The following U2AF1 variants were observed in gnomAD, a reference collection of about 807,000 sequenced individuals.
The protein encoded by U2AF1 is U2 small nuclear RNA auxiliary factor 1.
For synonymous variants in U2AF1, 8 were observed against 27.2 expected, an observed-to-expected ratio of 0.29 and a Z score of 2.20; for missense variants, 4 against 75.9, an observed-to-expected ratio of 0.05 and a Z score of 3.52.
At position 43,095,256 on chromosome 21, in the gene U2AF1, C is replaced by T. The variant is rs1427012732; in HGVS notation, c.348+182G>A. On this transcript the variant is annotated intron_variant, in intron 5 of 7. Coordinates refer to ENST00000291552, the MANE Select transcript of U2AF1 (RefSeq NM_006758.3). ...GCAGCTGGTAGGCGCCGAGCCAGTG[C>T]ACCTGAGCCCTGCTGTGCGCCTGAG... 2 of 443,450 alleles carry T rather than the reference C, an allele frequency of 4.5e-6. 1 individual carries two copies. The highest frequency in any genetic ancestry group is 7.4e-5 in the African/African-American group (2 of 27,038). The allele number at this position is 443,450 out of a possible 1,614,324, so 27.5% of individuals were successfully genotyped here. A position where few individuals can be genotyped will look rare whatever the true frequency, so the allele number is the denominator to read the frequency against.
At chr21:43,095,314 A>C (rs1984256160) in intron 5 of U2AF1, 124 bp downstream of exon 5, 1 of 467,180 alleles carries the variant, frequency 2.1e-6, no homozygotes, top group East Asian at 2.8e-5. Flanking sequence ...GGCGACAGGC[A>C]CCCCATCCTC....
chr21:43,107,230 CCATT>C lies in U2AF1; in HGVS notation c.44+217_44+220del, dbSNP rs367824269. 1.3e-3 allele frequency among the ~76,000 whole-genome samples: 142 copies of C among 112,068 alleles called. 8 individuals carry two copies. In the East Asian group the frequency reaches 0.022, roughly 17 times the overall value. The allele number at this position is 112,068 out of a possible 152,430, so 73.5% of individuals were successfully genotyped here. On this transcript the variant is annotated intron_variant, in intron 1 of 7. Transcript: ENST00000291552. ...GGCCGCGGCGCCCCGAAAAGAGACCCCATTCATTCTGCCCGCTCCAGTTTTCCGC... is the reference window on the plus strand; with the variant it reads ...GGCCGCGGCGCCCCGAAAAGAGACCCCATTCTGCCCGCTCCAGTTTTCCGC...
At chr21:43,099,960 T>C (rs1292264208) in intron 3 of U2AF1, 1 of 54,960 alleles carries the variant, frequency 1.8e-5, no homozygotes, top group African/African-American at 1.3e-4. Context: ...AGTCTCACTC[T>C]GTCGCCCAGG....
rs570676553 is a variant in U2AF1, at chr21:43,095,653, A to T, written c.249+41T>A. 4.2e-6 allele frequency: 2 copies of T among 477,364 alleles called. 1 individual carries two copies. Among genetic ancestry groups the T allele is most frequent in the Admixed American group, 9.0e-5 (2 of 22,262 alleles). 29.6% of individuals were successfully genotyped at this position (477,364 alleles called of 1,614,324 possible). A position where few individuals can be genotyped will look rare whatever the true frequency, so the allele number is the denominator to read the frequency against. The stretch of plus-strand genomic sequence containing the variant: ...TTAAATCCTTCCAAACAGATACAGA[A>T]GATCAACAGGTCTATCAGTCACAGA... On this transcript the variant is annotated intron_variant, in intron 4 of 7. Coordinates refer to ENST00000291552, the MANE Select transcript of U2AF1 (RefSeq NM_006758.3).
chr21:43,107,370 G>A (rs1984857221), intron 1 of U2AF1, 81 bp downstream of exon 1: 1 of 265,036 alleles, frequency 3.8e-6, no homozygotes, highest in South Asian at 6.7e-5. Flanking sequence ...GCCCGCCTGG[G>A]CCTCCCCGGT....
intron 3 of U2AF1, among the ~76,000 whole-genome samples, chr21:43,097,035 CATGT>C (rs1290589651): frequency 1.3e-5 from 1 of 77,632 alleles, no homozygotes; most frequent in Admixed American, 1.5e-4. Flanking sequence ...TCATAATTCA[CATGT>C]ATTAGGTAAA....
intron 1 of U2AF1, 56 bp downstream of exon 1, chr21:43,107,395 C>T: frequency 3.1e-6 from 1 of 326,816 alleles, no homozygotes; most frequent in East Asian, 3.9e-5. Context: ...CTCCCACCGC[C>T]TCAACCACCC....
chr21:43,095,369 C>T lies in U2AF1; in HGVS notation c.348+69G>A, dbSNP rs1385036079. ...ACACTAAGCGGCTGCACCACTGTCT[C>T]GCTTTCGCCTGTTGGCCTTGGCCCT... is the stretch of plus-strand genomic sequence containing the variant. On this transcript the variant is annotated intron_variant, in intron 5 of 7. Coordinates refer to ENST00000291552, the MANE Select transcript of U2AF1 (RefSeq NM_006758.3). 50 of 703,362 alleles carry T rather than the reference C, an allele frequency of 7.1e-5. 9 individuals are homozygous for T. The highest frequency in any genetic ancestry group is 6.4e-4 in the South Asian group (38 of 59,336). 43.6% of individuals were successfully genotyped at this position (703,362 alleles called of 1,614,324 possible).
At position 43,107,224 on chromosome 21, in the gene U2AF1, G is replaced by A. The variant is rs962693336; in HGVS notation, c.44+227C>T. Reference sequence around the variant, plus strand: ...AAGCTCGGCCGCGGCGCCCCGAAAAGAGACCCCATTCATTCTGCCCGCTCC... The same window carrying A: ...AAGCTCGGCCGCGGCGCCCCGAAAAAAGACCCCATTCATTCTGCCCGCTCC... On this transcript the variant is annotated intron_variant, in intron 1 of 7. Coordinates refer to ENST00000291552, the MANE Select transcript of U2AF1 (RefSeq NM_006758.3). 1.2e-4 allele frequency among the ~76,000 whole-genome samples: 14 copies of A among 112,280 alleles called. 5 individuals are homozygous for A. The highest frequency in any genetic ancestry group is 4.5e-4 in the African/African-American group (12 of 26,774). The allele number at this position is 112,280 out of a possible 152,430, so 73.7% of individuals were successfully genotyped here.
intron 1 of U2AF1, among the ~76,000 whole-genome samples, chr21:43,107,053 C>A (rs1424393062): frequency 1.1e-5 from 1 of 87,886 alleles, no homozygotes; most frequent in South Asian, 3.2e-4. Context: ...ACATTCACAG[C>A]CGAAAGTTGG....
chr21:43,096,974 G>GC (rs1984346144), intron 3 of U2AF1, among the ~76,000 whole-genome samples: 1 of 107,546 alleles, frequency 9.3e-6, no homozygotes, highest in Non-Finnish European at 2.0e-5. Flanking sequence ...CGTGCCCGGC[G>GC]CAAGTATTCT....
At chr21:43,097,132 TC>T (rs1174473520) in intron 3 of U2AF1, among the ~76,000 whole-genome samples, 1 of 12,330 alleles carries the variant, frequency 8.1e-5, no homozygotes. Context: ...AATTTTTTTT[TC>T]TTTTGAGATG....
At chr21:43,095,037 TAA>T in intron 5 of U2AF1, 1 of 109,094 alleles carries the variant, frequency 9.2e-6, no homozygotes, top group South Asian at 2.2e-4. Flanking sequence ...TGTAGGCAAA[TAA>T]AGTTTTATTC....
intron 1 of U2AF1, chr21:43,105,140 TTC>T (rs1321985156): frequency 9.5e-6 from 1 of 105,760 alleles, no homozygotes; most frequent in Non-Finnish European, 2.0e-5. Flanking sequence ...TTACGTCACC[TTC>T]TGTCTCTACT....
intron 3 of U2AF1, chr21:43,097,603 G>T (rs1984382200): frequency 1.2e-5 from 1 of 80,972 alleles, no homozygotes; most frequent in Non-Finnish European, 2.5e-5. Context: ...CTTTGAGCTT[G>T]CTCAAAACTC....
rs1034315115 is a variant in U2AF1, at chr21:43,107,071, G to C, written c.44+380C>G. Among the ~76,000 whole-genome samples, 12 of 97,324 alleles carry C rather than the reference G, an allele frequency of 1.2e-4. 4 individuals carry two copies. The highest frequency in any genetic ancestry group is 5.4e-4 in the African/African-American group (12 of 22,166). 63.8% of individuals were successfully genotyped at this position (97,324 alleles called of 152,430 possible). On this transcript the variant is annotated intron_variant, in intron 1 of 7. Transcript: ENST00000291552. ...TTCACAGCCGAAAGTTGGAACAAAC[G>C]TGTCCACGTCCAAAAGGCCCGGATG...
At chr21:43,107,289 G>A (rs1984847823) in intron 1 of U2AF1, among the ~76,000 whole-genome samples, 162 bp downstream of exon 1, 1 of 103,910 alleles carries the variant, frequency 9.6e-6, no homozygotes, top group East Asian at 2.1e-4. Context: ...CGGCTCCGGA[G>A]GGCGCGCAAG....
At position 43,094,831 on chromosome 21, in the gene U2AF1, T is replaced by C. The variant is rs1250300894; in HGVS notation, c.349-43A>G. 4.1e-6 allele frequency: 4 copies of C among 985,414 alleles called. 1 individual carries two copies. The highest frequency in any genetic ancestry group is 6.5e-5 in the African/African-American group (2 of 30,800). The allele number at this position is 985,414 out of a possible 1,614,324, so 61.0% of individuals were successfully genotyped here. On this transcript the variant is annotated intron_variant, in intron 5 of 7. Coordinates refer to ENST00000291552, the MANE Select transcript of U2AF1 (RefSeq NM_006758.3). ...GAAGTGCTTGCCATCCACGCTTTAA[T>C]AAGACTTTCTCAATTACCAATCCAA...
chr21:43,097,584 C>G (rs1477201482), intron 3 of U2AF1: 1 of 76,884 alleles, frequency 1.3e-5, no homozygotes, highest in East Asian at 2.4e-4. Context: ...TGACTGCTGG[C>G]ACACGGGTCT....
Sources: gnomAD v4.1 joint callset for allele counts (sites outside exome capture counted in the v4.1 genomes callset) on GRCh38, gnomAD v4.1.1 for gene constraint, MANE v1.5 for transcripts, NCBI Gene and HGNC (gene_info 2026-07-23, HGNC 2026-07-21) for gene names.